Variants in PACS2 observed in about 807,000 individuals in gnomAD.
PACS2 encodes the protein phosphofurin acidic cluster sorting protein 2, also known as PACS1-like protein.
In PACS2, 36 loss-of-function variants were observed where a neutral mutation model predicts 113.0. The ratio of observed to expected loss-of-function variants is 0.32; its 90% confidence interval spans 0.24 to 0.42. PACS2 has a LOEUF of 0.42. Ranked by LOEUF, PACS2 falls within the 10% of genes least tolerant of loss-of-function variation. The pLI is 1.00. For synonymous variants in PACS2, 589 were observed against 536.1 expected, an observed-to-expected ratio of 1.10 and a Z score of -1.36; for missense variants, 1,015 against 1,239.5, an observed-to-expected ratio of 0.82 and a Z score of 2.72.
chr14:105,383,077 A>G, intron 15 of PACS2, 164 bp downstream of exon 15: 1 of 627,948 alleles, frequency 1.6e-6, no homozygotes, highest in Middle Eastern at 2.6e-4. Flanking sequence ...GCCTCCCCTC[A>G]GTTGTGGGCG....
chr14:105,307,668 T>C (rs1443148979), intron 1 of PACS2, among the ~76,000 whole-genome samples: 1 of 152,240 alleles, frequency 6.6e-6, no homozygotes, highest in Non-Finnish European at 1.5e-5. Context: ...CTTCTCACCT[T>C]CTCACCTGCT....
intron 4 of PACS2, among the ~76,000 whole-genome samples, chr14:105,363,645 C>T (rs1222828758): frequency 1.3e-5 from 2 of 152,328 alleles, no homozygotes; most frequent in African/African-American, 4.8e-5. Flanking sequence ...CACACCGTCA[C>T]TGAGGCTGCT....
chr14:105,355,253 G>T lies in PACS2; in HGVS notation c.423+76G>T. The T allele has an allele frequency of 6.6e-7, 1 of 1,503,904 alleles. No individual in the cohort carries two copies. The allele number at this position is 1,503,904 out of a possible 1,614,324, so 93.2% of individuals were successfully genotyped here. A position where few individuals can be genotyped will look rare whatever the true frequency, so the allele number is the denominator to read the frequency against. On this transcript the variant is annotated intron_variant, in intron 4 of 24. Transcript: ENST00000447393. The surrounding 1 kb of genome is among the most constrained non-coding windows in gnomAD (Gnocchi z 4.1). Reference sequence around the variant, plus strand: ...AGAGCATTCGCCCGTGGGAGATGGAGATGTCTCTCCCGGGTCCAGATGTCC... The same window carrying T: ...AGAGCATTCGCCCGTGGGAGATGGATATGTCTCTCCCGGGTCCAGATGTCC...
At chr14:105,304,525 A>G (rs2058125165) in intron 1 of PACS2, among the ~76,000 whole-genome samples, 1 of 152,186 alleles carries the variant, frequency 6.6e-6, no homozygotes, top group Non-Finnish European at 1.5e-5. Context: ...AATATAAAAA[A>G]GGGTGAGGCT....
At chr14:105,345,409 G>GA (rs369349340) in intron 1 of PACS2, among the ~76,000 whole-genome samples, 66 of 145,818 alleles carry the variant, frequency 4.5e-4, no homozygotes, top group African/African-American at 9.5e-4. Context: ...TCCGTCTTGA[G>GA]AAAAAAAAAA....
intron 17 of PACS2, 26 bp from the exon 18 acceptor site, chr14:105,384,853 C>T (rs1555413159): frequency 2.1e-6 from 3 of 1,431,376 alleles, no homozygotes; most frequent in South Asian, 1.2e-5. Context: ...ACCAGCCTAA[C>T]CCCCCACCGC....
intron 21 of PACS2, 153 bp from the exon 22 acceptor site, chr14:105,391,478 G>A (rs2081353680): frequency 9.6e-6 from 7 of 727,220 alleles, no homozygotes; most frequent in African/African-American, 3.5e-5. Flanking sequence ...AGGAGAATCC[G>A]AGACCCTCCC....
chr14:105,368,414 C>T lies in PACS2; in HGVS notation c.661-45C>T, dbSNP rs1219445468. The T allele has an allele frequency of 2.7e-6, 4 of 1,455,038 alleles. No homozygotes were observed. The South Asian group carries it at 3.4e-5, about 12-fold the overall frequency. 90.1% of individuals were successfully genotyped at this position (1,455,038 alleles called of 1,614,324 possible). On this transcript the variant is annotated intron_variant, in intron 6 of 24. Transcript: ENST00000447393. ...TGAGGCTGGCAGGGTCCTGCCAGCA[C>T]TATGCAGGCTGCCGTGGCCTCAGCC...
At chr14:105,319,092 C>G (rs587757258) in intron 1 of PACS2, among the ~76,000 whole-genome samples, 42 of 152,168 alleles carry the variant, frequency 2.8e-4, no homozygotes, top group Non-Finnish European at 4.7e-4. Flanking sequence ...GGACTACAGG[C>G]GTGCACCACC....
At chr14:105,373,222 T>G (rs1212396478) in intron 8 of PACS2, among the ~76,000 whole-genome samples, 1 of 152,248 alleles carries the variant, frequency 6.6e-6, no homozygotes, top group African/African-American at 2.4e-5. Context: ...TTGTAGAAAT[T>G]GACCAGCTAA....
At position 105,317,350 on chromosome 14, in the gene PACS2, C is replaced by T. The variant is rs587675999; in HGVS notation, c.119+2313C>T. Among the ~76,000 whole-genome samples, 29 of 152,228 alleles carry T rather than the reference C, an allele frequency of 1.9e-4. No individual in the cohort carries two copies. The highest frequency in any genetic ancestry group is 6.2e-4 in the South Asian group (3 of 4,818). ...GGCAGGGCCTGTCTTAAGCATGTACCGCCAGCTACCAGGATTTATGGTGGG... is the reference window on the plus strand; with the variant it reads ...GGCAGGGCCTGTCTTAAGCATGTACTGCCAGCTACCAGGATTTATGGTGGG... On this transcript the variant is annotated intron_variant, in intron 1 of 24. Coordinates refer to ENST00000447393, the MANE Select transcript of PACS2 (RefSeq NM_001100913.3). The surrounding 1 kb of genome is among the most constrained non-coding windows in gnomAD (Gnocchi z 4.2).
intron 20 of PACS2, chr14:105,390,885 G>A (rs371061763): frequency 7.0e-5 from 29 of 413,166 alleles, no homozygotes; most frequent in Non-Finnish European, 9.3e-5. Flanking sequence ...GCCTATCCCC[G>A]TCGGCCCGCC....
At chr14:105,335,141 G>C (rs2059463548) in intron 1 of PACS2, among the ~76,000 whole-genome samples, 1 of 152,272 alleles carries the variant, frequency 6.6e-6, no homozygotes, top group African/African-American at 2.4e-5. Flanking sequence ...CTTGCCACAG[G>C]CTGACTGGAA....
intron 9 of PACS2, 65 bp from the exon 10 acceptor site, chr14:105,379,674 T>G: frequency 1.5e-6 from 2 of 1,330,130 alleles, no homozygotes; most frequent in East Asian, 2.3e-5. Context: ...GTGGGAGAAC[T>G]GCGCTTTCAG....
In PACS2 at chr14:105,365,168, G is replaced by A. The variant is rs1196836080; in HGVS notation, c.424-2045G>A. Reference sequence around the variant, plus strand: ...GAGCATCTGCTGGACTAACCCGGGAGGGTGGTCTCAGGGTCAGCAGGGGCA... The same window carrying A: ...GAGCATCTGCTGGACTAACCCGGGAAGGTGGTCTCAGGGTCAGCAGGGGCA... On this transcript the variant is annotated intron_variant, in intron 4 of 24. Coordinates refer to ENST00000447393, the MANE Select transcript of PACS2 (RefSeq NM_001100913.3). This position sits in a 1 kb window ranked among gnomAD's most constrained non-coding sequence, Gnocchi z 5.1. Among the ~76,000 whole-genome samples the A allele has an allele frequency of 6.6e-6, 1 of 152,234 alleles. No individual in the cohort carries two copies. The highest frequency in any genetic ancestry group is 1.5e-5 in the Non-Finnish European group (1 of 68,030).
intron 19 of PACS2, chr14:105,388,635 A>G (rs1419769345): frequency 6.6e-6 from 1 of 152,290 alleles, no homozygotes; most frequent in East Asian, 1.9e-4. Context: ...CCTGAGGGCC[A>G]CCCTGCTGGC....
chr14:105,344,093 C>A (rs770154164), intron 1 of PACS2, among the ~76,000 whole-genome samples: 4 of 150,740 alleles, frequency 2.7e-5, no homozygotes, highest in Admixed American at 6.6e-5. Context: ...AATTTTTATA[C>A]TTTTTGTAGA....
Position 105,359,828 on chromosome 14 carries a change from C to T in PACS2, c.423+4651C>T, listed in dbSNP as rs140858456. 6.8e-3 allele frequency among the ~76,000 whole-genome samples: 1,030 copies of T among 152,196 alleles called. 10 individuals are homozygous for T. Among genetic ancestry groups the T allele is most frequent in the Middle Eastern group, 0.027 (8 of 294 alleles). Reference sequence around the variant, plus strand: ...AGATGGTCTCGATCTCCTGACCTCGCGATCCGCCCACCTTGGTCTCCCAAA... The same window carrying T: ...AGATGGTCTCGATCTCCTGACCTCGTGATCCGCCCACCTTGGTCTCCCAAA... On this transcript the variant is annotated intron_variant, in intron 4 of 24. Coordinates refer to ENST00000447393, the MANE Select transcript of PACS2 (RefSeq NM_001100913.3).
At chr14:105,328,807 A>C (rs753743534) in intron 1 of PACS2, among the ~76,000 whole-genome samples, 7 of 152,306 alleles carry the variant, frequency 4.6e-5, no homozygotes, top group Admixed American at 4.6e-4. Flanking sequence ...AAAAGATTCC[A>C]GTGAATCTCT....
Sources: allele counts gnomAD v4.1 joint callset (sites outside exome capture counted in the v4.1 genomes callset), GRCh38; gene constraint gnomAD v4.1.1; non-coding constraint Gnocchi (gnomAD v3.1); transcripts MANE v1.5; gene names NCBI Gene and HGNC (gene_info 2026-07-23, HGNC 2026-07-21).